The following MTOR variants were observed in gnomAD, a reference collection of about 807,000 sequenced individuals.
MTOR encodes mechanistic target of rapamycin kinase, also known as serine/threonine-protein kinase mTOR.
Under a neutral mutation model 319.8 loss-of-function variants are expected in MTOR, and 70 were observed. The observed-to-expected ratio is 0.22, with a 90% confidence interval of 0.18 to 0.27. The LOEUF (loss-of-function observed/expected upper bound fraction) is 0.27, where lower values mean the gene tolerates loss of function less well. MTOR is among the 10% of genes least tolerant of loss of function. The pLI is 1.00. For synonymous variants in MTOR, 1,183 were observed against 1,211.4 expected (o/e 0.98, Z 0.49); for missense variants, 1,890 against 3,274.4 (o/e 0.58, Z 10.32).
At chr1:11,251,106 G>A (rs762573419) in intron 6 of MTOR, among the ~76,000 whole-genome samples, 1 of 152,118 alleles carries the variant, frequency 6.6e-6, no homozygotes, top group Non-Finnish European at 1.5e-5. Flanking sequence ...TCACTCCACT[G>A]CTCAAAGCCC....
intron 19 of MTOR, among the ~76,000 whole-genome samples, chr1:11,217,327 G>A (rs1446646506): frequency 6.6e-6 from 1 of 151,968 alleles, no homozygotes; most frequent in African/African-American, 2.4e-5. Flanking sequence ...GTTTTATTTT[G>A]TTATGAGCTT....
chr1:11,248,407 G>A (rs1484137962), intron 6 of MTOR, among the ~76,000 whole-genome samples: 2 of 152,194 alleles, frequency 1.3e-5, no homozygotes, highest in Non-Finnish European at 2.9e-5. Context: ...ATACTGCTGT[G>A]ACTACTGACC....
At chr1:11,198,154 A>C (rs1394268570) in intron 28 of MTOR, among the ~76,000 whole-genome samples, 1 of 152,218 alleles carries the variant, frequency 6.6e-6, no homozygotes, top group East Asian at 1.9e-4. Flanking sequence ...ATGAGCTATC[A>C]AGTGACAGCA....
chr1:11,147,647 T>C (rs1030295645), intron 31 of MTOR, among the ~76,000 whole-genome samples: 1 of 152,200 alleles, frequency 6.6e-6, no homozygotes, highest in Admixed American at 6.5e-5. Flanking sequence ...TTGAAAAATG[T>C]TCCGGATCTA....
chr1:11,250,616 C>T (rs994131339), intron 6 of MTOR, among the ~76,000 whole-genome samples: 1 of 87,260 alleles, frequency 1.1e-5, no homozygotes. Context: ...TGTACTAGTT[C>T]CCTTGTGCTT....
At chr1:11,189,710 A>G in intron 28 of MTOR, 1 of 1,614,214 alleles carries the variant, frequency 6.2e-7, no homozygotes, top group Non-Finnish European at 8.5e-7. Flanking sequence ...AAAGCGGCCA[A>G]CTGCTGTGAG....
rs1650028440 is a variant in MTOR, at chr1:11,253,908, C to A, written c.771G>T (p.Arg257=). ...ACAAGGCTCCATGGATCCGATCATC[C>A]CGATTCATGCCCTTCTCTTTGGCCA... The part of the protein sequence containing the change: ...ETLAKEKGMN[R]DDRIHGALLI... The change falls in exon 6 of 58, where the codon CGG becomes CGT. Residue 257 remains arginine (R), a synonymous_variant. Transcript: ENST00000361445. The A allele has an allele frequency of 1.2e-6, 2 of 1,614,068 alleles. No individual in the cohort carries two copies. Among genetic ancestry groups the A allele is most frequent in the South Asian group, 2.2e-5 (2 of 91,078 alleles).
chr1:11,201,917 C>T (rs1424332498), intron 26 of MTOR, among the ~76,000 whole-genome samples: 1 of 152,144 alleles, frequency 6.6e-6, no homozygotes. Context: ...AAGTAATCCC[C>T]CCGCCTTAGC....
intron 13 of MTOR, 107 bp downstream of exon 13, chr1:11,237,736 C>G: frequency 8.0e-7 from 1 of 1,246,758 alleles, no homozygotes; most frequent in Non-Finnish European, 1.1e-6. Context: ...TACCAGGTAC[C>G]TCAATCTTTC....
chr1:11,207,409 CTTTT>C (rs386366225), intron 25 of MTOR, among the ~76,000 whole-genome samples: 1 of 114,174 alleles, frequency 8.8e-6, no homozygotes, highest in Non-Finnish European at 1.7e-5. Context: ...CCCCCTACCT[CTTTT>C]TTTTTTTTTT....
chr1:11,220,965 T>C (rs901369707), intron 19 of MTOR, among the ~76,000 whole-genome samples: 1 of 151,722 alleles, frequency 6.6e-6, no homozygotes, highest in Non-Finnish European at 1.5e-5. Context: ...TCTGGAACTA[T>C]GTTAATGTCT....
rs57846740 is a variant in MTOR, at chr1:11,233,160, G to T, written c.2421+238C>A. 15,224 of 963,902 alleles carry T rather than the reference G, an allele frequency of 0.016. 575 individuals carry two copies. Among genetic ancestry groups the T allele is most frequent in the African/African-American group, 0.076 (4,502 of 58,916 alleles). 59.7% of individuals were successfully genotyped at this position (963,902 alleles called of 1,614,324 possible). A position where few individuals can be genotyped will look rare whatever the true frequency, so the allele number is the denominator to read the frequency against. ...GGCACACACATTTATGCTGTCTGAA[G>T]GTCACAATGATATTACCATATCAAG... On this transcript the variant is annotated intron_variant, in intron 15 of 57. Transcript: ENST00000361445.
At chr1:11,223,169 CT>C (rs79432739) in intron 19 of MTOR, among the ~76,000 whole-genome samples, 1,476 of 138,872 alleles carry the variant, frequency 0.011, 12 homozygotes, top group African/African-American at 0.027. Context: ...AAATACATGA[CT>C]TTTTTTTTTT....
intron 29 of MTOR, among the ~76,000 whole-genome samples, 187 bp from the exon 30 acceptor site, chr1:11,157,478 A>T (rs376380432): frequency 2.9e-4 from 44 of 152,310 alleles, no homozygotes; most frequent in African/African-American, 1.0e-3. Context: ...GAAGGTGGAA[A>T]TACTGGTTCC....
chr1:11,232,884 A>G, intron 15 of MTOR: 1 of 551,448 alleles, frequency 1.8e-6, no homozygotes, highest in Non-Finnish European at 3.2e-6. Context: ...ACAAATAAAT[A>G]AAATAAAAAA....
intron 49 of MTOR, among the ~76,000 whole-genome samples, chr1:11,120,225 G>A (rs113281911): frequency 0.059 from 8,960 of 151,726 alleles, 371 homozygotes; most frequent in South Asian, 0.12. Flanking sequence ...CACCATGCCC[G>A]GCTAATTTTT....
In MTOR at chr1:11,114,459, A is replaced by G; in HGVS notation, c.7165-6T>C. 3 of 1,614,134 alleles carry G rather than the reference A, an allele frequency of 1.9e-6. No homozygotes were observed. The highest frequency in any genetic ancestry group is 1.3e-5 in the African/African-American group (1 of 75,046). ...TTGCCATCCAGGCCTGTAACCTAGA[A>G]ATGGGACAGAGCCACTCACCACAGG... On this transcript the variant is annotated splice_region_variant and splice_polypyrimidine_tract_variant and intron_variant, in intron 52 of 57. Transcript: ENST00000361445.
intron 34 of MTOR, among the ~76,000 whole-genome samples, chr1:11,143,173 A>G (rs1350873056): frequency 6.6e-6 from 1 of 152,238 alleles, no homozygotes; most frequent in Non-Finnish European, 1.5e-5. Flanking sequence ...AGGTTCTCCC[A>G]GATGCTGAAA....
chr1:11,181,065 T>C (rs954451155), intron 28 of MTOR, among the ~76,000 whole-genome samples: 14 of 152,116 alleles, frequency 9.2e-5, no homozygotes, highest in Non-Finnish European at 2.1e-4. Flanking sequence ...ATGAGCCACC[T>C]TGCCCGCCCG....
Sources: gnomAD v4.1 joint callset for allele counts (sites outside exome capture counted in the v4.1 genomes callset) on GRCh38, gnomAD v4.1.1 for gene constraint, MANE v1.5 for transcripts, NCBI Gene and HGNC (gene_info 2026-07-23, HGNC 2026-07-21) for gene names.